The following PDPR variants were observed in gnomAD, a reference collection of about 807,000 sequenced individuals.
PDPR encodes pyruvate dehydrogenase phosphatase regulatory subunit, also known as pyruvate dehydrogenase phosphatase regulatory subunit, mitochondrial.
PDPR carries 50 observed loss-of-function variants against 102.2 expected under a neutral mutation model. That is an observed-to-expected ratio of 0.49 (90% CI 0.39 to 0.62). The LOEUF is 0.62. Among genes scored for constraint, PDPR ranks in the 20% least tolerant of loss-of-function variants. The pLI, the probability that PDPR is intolerant of heterozygous loss-of-function variation, is 0.00. For synonymous variants in PDPR, 259 were observed against 406.0 expected (o/e 0.64, Z 4.35); for missense variants, 625 against 1,098.2 (o/e 0.57, Z 6.09).
At chr16:70,119,276 A>G (rs1405343594) in intron 2 of PDPR, among the ~76,000 whole-genome samples, 1 of 151,984 alleles carries the variant, frequency 6.6e-6, no homozygotes, top group Non-Finnish European at 1.5e-5. Context: ...TTTTTCTTAT[A>G]ATTCTACCAT....
intron 2 of PDPR, among the ~76,000 whole-genome samples, chr16:70,116,919 C>T (rs1295379808): frequency 6.6e-6 from 1 of 151,792 alleles, no homozygotes; most frequent in Non-Finnish European, 1.5e-5. Flanking sequence ...TTCCCTTTCT[C>T]TGTTAGGGGA....
At chr16:70,128,407 T>C (rs2152075051) in intron 4 of PDPR, among the ~76,000 whole-genome samples, 1 of 152,370 alleles carries the variant, frequency 6.6e-6, no homozygotes, top group Non-Finnish European at 1.5e-5. Flanking sequence ...TTTATATTTT[T>C]AGTAGAGACA....
At chr16:70,149,707 T>G (rs974913070) in intron 17 of PDPR, among the ~76,000 whole-genome samples, 4 of 152,274 alleles carry the variant, frequency 2.6e-5, no homozygotes, top group Admixed American at 1.3e-4. Context: ...GACATTTATG[T>G]TATTTCTAGT....
chr16:70,135,119 A>G (rs1236056546), intron 9 of PDPR, among the ~76,000 whole-genome samples: 4 of 152,244 alleles, frequency 2.6e-5, no homozygotes, highest in African/African-American at 9.6e-5. Context: ...CCCATTATCC[A>G]GCTCTGGTCT....
intron 2 of PDPR, among the ~76,000 whole-genome samples, chr16:70,118,746 G>A (rs374304764): frequency 2.0e-5 from 3 of 152,134 alleles, no homozygotes; most frequent in African/African-American, 4.8e-5. Flanking sequence ...AAGACTAGCC[G>A]GGTAGAGAAG....
intron 2 of PDPR, among the ~76,000 whole-genome samples, chr16:70,116,952 C>CA (rs1369647651): frequency 6.6e-6 from 1 of 151,626 alleles, no homozygotes; most frequent in Non-Finnish European, 1.5e-5. Flanking sequence ...GTTCAGTCCT[C>CA]ACAGCTGTCC....
rs1224382877 is a variant in PDPR, at chr16:70,158,409, A to G, written c.*1530A>G. The G allele has an allele frequency of 6.5e-6, 1 of 152,740 alleles. No homozygotes were observed. Among genetic ancestry groups the G allele is most frequent in the Non-Finnish European group, 1.5e-5 (1 of 68,216 alleles). The allele number at this position is 152,740 out of a possible 1,614,324, so 9.5% of individuals were successfully genotyped here. ...TAAGTGTATTAAGGGACATCCTTCC[A>G]TTTCATTAGAGCAGCTTAAAATGCT... On this transcript the variant is annotated 3_prime_UTR_variant, in exon 19 of 19. Transcript: ENST00000288050.
chr16:70,124,456 A>G (rs1463585684), intron 3 of PDPR, among the ~76,000 whole-genome samples: 7 of 152,264 alleles, frequency 4.6e-5, no homozygotes, highest in Admixed American at 6.5e-5. Context: ...CATCTTCACT[A>G]TTGTTCTCAT....
chr16:70,132,209 T>C lies in PDPR; in HGVS notation c.906T>C (p.Ser302=). Residue 302 remains serine (S), a synonymous_variant, in exon 9 of 19, where the codon TCT becomes TCC. Coordinates refer to ENST00000288050, the MANE Select transcript of PDPR (RefSeq NM_017990.5). ...GGAACTGGCAGGGTGGCATCCTGTCTGGGGGCTTTGAGAAGAACCCGAAAC... is the reference window on the plus strand; with the variant it reads ...GGAACTGGCAGGGTGGCATCCTGTCCGGGGGCTTTGAGAAGAACCCGAAAC... The part of the protein sequence containing the change: ...YIRNWQGGIL[S]GGFEKNPKPI... The C allele has an allele frequency of 6.2e-7, 1 of 1,613,720 alleles. No individual in the cohort carries two copies. The highest frequency in any genetic ancestry group is 8.5e-7 in the Non-Finnish European group (1 of 1,179,606).
intron 17 of PDPR, among the ~76,000 whole-genome samples, chr16:70,152,703 GT>G (rs1966829950): frequency 1.3e-5 from 2 of 152,284 alleles, no homozygotes; most frequent in African/African-American, 4.8e-5. Context: ...AGCAAACAGT[GT>G]AGTCTCATTT....
At position 70,152,462 on chromosome 16, in the gene PDPR, G is replaced by A. The variant is rs1471064777; in HGVS notation, c.2053-929G>A. On this transcript the variant is annotated intron_variant, in intron 17 of 18. Transcript: ENST00000288050. ...TGAACCCGGGAGTGGAGATGGCAGTGAGCCGAGATCGCGCCACTTCACTCT... is the reference window on the plus strand; with the variant it reads ...TGAACCCGGGAGTGGAGATGGCAGTAAGCCGAGATCGCGCCACTTCACTCT... Among the ~76,000 whole-genome samples the A allele has an allele frequency of 5.9e-5, 9 of 152,388 alleles. No homozygotes were observed. The South Asian group carries it at 1.0e-3, about 18-fold the overall frequency.
intron 3 of PDPR, among the ~76,000 whole-genome samples, chr16:70,125,433 A>G (rs147014169): frequency 2.6e-5 from 4 of 151,940 alleles, no homozygotes; most frequent in African/African-American, 4.8e-5. Context: ...ACACACCTGT[A>G]ATCCCTGCTA....
chr16:70,126,173 T>G (rs1963943093), intron 3 of PDPR, among the ~76,000 whole-genome samples: 1 of 152,256 alleles, frequency 6.6e-6, no homozygotes, highest in East Asian at 1.9e-4. Context: ...TCATTCTTTT[T>G]TATAGCTGCA....
chr16:70,139,330 G>A (rs1420126615), intron 11 of PDPR, among the ~76,000 whole-genome samples: 2 of 152,232 alleles, frequency 1.3e-5, no homozygotes, highest in Non-Finnish European at 2.9e-5. Context: ...TGCCTTGAGA[G>A]ACCGTATGTC....
chr16:70,157,457 C>T lies in PDPR; in HGVS notation c.*578C>T, dbSNP rs1466065038. 2.9e-6 allele frequency: 1 copy of T among 346,096 alleles called. No homozygotes were observed. The highest frequency in any genetic ancestry group is 5.7e-6 in the Non-Finnish European group (1 of 176,664). 21.4% of individuals were successfully genotyped at this position (346,096 alleles called of 1,614,324 possible). ...TCTACCTCACTGATAAGAGGCATCG[C>T]ATGGACGTTCTCTGGTCTGTAGTGG... On this transcript the variant is annotated 3_prime_UTR_variant, in exon 19 of 19. Transcript: ENST00000288050.
chr16:70,154,975 T>G (rs1966961804), intron 18 of PDPR, among the ~76,000 whole-genome samples: 1 of 152,164 alleles, frequency 6.6e-6, no homozygotes, highest in Non-Finnish European at 1.5e-5. Flanking sequence ...GCGGATCACC[T>G]GAGTTCACAA....
At chr16:70,120,298 C>T in intron 2 of PDPR, 163 bp from the exon 3 acceptor site, 1 of 549,952 alleles carries the variant, frequency 1.8e-6, no homozygotes, top group South Asian at 2.0e-5. Context: ...GATCCGCCCG[C>T]CTTGGCCTCC....
At chr16:70,115,228 A>G (rs1020964297) in intron 2 of PDPR, among the ~76,000 whole-genome samples, 6 of 151,794 alleles carry the variant, frequency 4.0e-5, no homozygotes, top group African/African-American at 1.2e-4. Flanking sequence ...GGTTCAAGCA[A>G]TTCTCCTGCC....
chr16:70,132,608 A>G (rs933140465), intron 9 of PDPR, among the ~76,000 whole-genome samples: 1 of 152,178 alleles, frequency 6.6e-6, no homozygotes, highest in South Asian at 2.1e-4. Context: ...CAGTTGCACA[A>G]TTATAGCTCA....
Sources: allele counts gnomAD v4.1 joint callset (sites outside exome capture counted in the v4.1 genomes callset), GRCh38; gene constraint gnomAD v4.1.1; transcripts MANE v1.5; gene names NCBI Gene and HGNC (gene_info 2026-07-23, HGNC 2026-07-21).